PLAAT1: variants seen among roughly 807,000 people sequenced by gnomAD.
PLAAT1 encodes the protein phospholipase A and acyltransferase 1.
A neutral mutation model predicts 16.4 loss-of-function variants in PLAAT1; 13 were observed. The ratio of observed to expected loss-of-function variants is 0.79; its 90% CI spans 0.52 to 1.26. PLAAT1 has a LOEUF of 1.26. Among genes scored for constraint, PLAAT1 ranks in the 50% most tolerant of loss-of-function variants. The probability of loss-of-function intolerance (pLI) is 0.00; values close to 1 mark genes in which losing one functional copy is unlikely to be tolerated. For synonymous variants in PLAAT1, 73 were observed against 78.4 expected (o/e 0.93, Z 0.36); for missense variants, 218 against 207.8 (o/e 1.05, Z -0.30).
intron 1 of PLAAT1, among the ~76,000 whole-genome samples, chr3:193,241,927 T>G (rs149818048): frequency 6.6e-6 from 1 of 152,332 alleles, no homozygotes; most frequent in East Asian, 1.9e-4. Flanking sequence ...GGGCTTGGAT[T>G]CCTCATTCCT....
chr3:193,276,431 G>A (rs1227240732), intron 2 of PLAAT1, among the ~76,000 whole-genome samples: 1 of 152,168 alleles, frequency 6.6e-6, no homozygotes, highest in Non-Finnish European at 1.5e-5. Flanking sequence ...GGGTTGGAAG[G>A]TCACCTGGTC....
chr3:193,264,551 T>TGGAGTG (rs1716709695), intron 3 of PLAAT1, among the ~76,000 whole-genome samples: 2 of 152,102 alleles, frequency 1.3e-5, no homozygotes, highest in South Asian at 4.2e-4. Flanking sequence ...TTGTCCAGGC[T>TGGAGTG]GGAGTGCAGT....
intron 3 of PLAAT1, 75 bp downstream of exon 3, chr3:193,263,310 A>G: frequency 7.2e-7 from 1 of 1,393,234 alleles, no homozygotes; most frequent in Non-Finnish European, 9.8e-7. Flanking sequence ...CCCAGGCCTC[A>G]AACCAAATGA....
upstream of PLAAT1, chr3:193,241,133 C>A (rs1303999362): frequency 3.6e-5 from 32 of 885,628 alleles, no homozygotes; most frequent in Non-Finnish European, 2.4e-5. Context: ...GGCGGGCGGG[C>A]GGGCGGGCGA....
intron 3 of PLAAT1, 44 bp downstream of exon 3, chr3:193,263,279 A>G (rs776957509): frequency 8.2e-5 from 129 of 1,571,364 alleles, no homozygotes; most frequent in Non-Finnish European, 1.1e-4. Flanking sequence ...GAAAAGAATA[A>G]CTATTGGCTA....
chr3:193,267,474 C>T (rs1453877080), intron 3 of PLAAT1, among the ~76,000 whole-genome samples: 1 of 151,944 alleles, frequency 6.6e-6, no homozygotes, highest in East Asian at 1.9e-4. Flanking sequence ...TGGCTTTTTT[C>T]AGATTGGCTT....
downstream of PLAAT1, chr3:193,277,749 T>C (rs1411897034): frequency 2.6e-5 from 4 of 152,340 alleles, no homozygotes; most frequent in East Asian, 7.7e-4. Flanking sequence ...TGGCTCTTTT[T>C]CTCATGGCTG....
chr3:193,270,580 T>C, intron 3 of PLAAT1, 24 bp from the exon 4 acceptor site: 1 of 1,604,516 alleles, frequency 6.2e-7, no homozygotes, highest in Non-Finnish European at 8.5e-7. Flanking sequence ...ATGTGTTTTT[T>C]GTTTACTTCT....
chr3:193,266,502 G>A (rs1280185754), intron 3 of PLAAT1, among the ~76,000 whole-genome samples: 1 of 152,072 alleles, frequency 6.6e-6, no homozygotes, highest in Non-Finnish European at 1.5e-5. Flanking sequence ...TCTCTGGCAG[G>A]TTCTGATGAA....
chr3:193,267,676 T>C (rs1349819306), intron 3 of PLAAT1, among the ~76,000 whole-genome samples: 2 of 152,210 alleles, frequency 1.3e-5, no homozygotes, highest in African/African-American at 2.4e-5. Context: ...TAAACCTCCA[T>C]GTGCAGGTTT....
chr3:193,279,455 C>G (rs767426815), downstream of PLAAT1: 1 of 1,610,484 alleles, frequency 6.2e-7, no homozygotes, highest in Non-Finnish European at 8.5e-7. Context: ...GAAAATATAT[C>G]TGAGGAAATA....
chr3:193,240,654 C>CGTGTGTGGTGTGTGTGTGTGT (rs1553803502), upstream of PLAAT1, among the ~76,000 whole-genome samples: 1 of 88,502 alleles, frequency 1.1e-5, no homozygotes, highest in Admixed American at 1.2e-4. Flanking sequence ...GGCTATCTGG[C>CGTGTGTGGTGTGTGTGTGTGT]GTGTGTGTGT....
At chr3:193,240,692 G>A (rs927361398), upstream of PLAAT1, among the ~76,000 whole-genome samples, 3 of 85,334 alleles carry the variant, frequency 3.5e-5, no homozygotes, top group African/African-American at 1.3e-4. Flanking sequence ...TGTGGTTGGA[G>A]GTCTCTGCTG....
intron 2 of PLAAT1, among the ~76,000 whole-genome samples, chr3:193,256,577 A>G (rs1033731096): frequency 6.6e-6 from 1 of 152,222 alleles, no homozygotes; most frequent in Non-Finnish European, 1.5e-5. Flanking sequence ...TAGGAATTGT[A>G]AAATAAACCA....
chr3:193,273,261 A>G (rs181480878), downstream of PLAAT1, among the ~76,000 whole-genome samples: 18 of 152,350 alleles, frequency 1.2e-4, no homozygotes, highest in Admixed American at 5.2e-4. Flanking sequence ...TACATAGTTT[A>G]TAATCATAAA....
intron 3 of PLAAT1, among the ~76,000 whole-genome samples, chr3:193,264,644 C>G (rs1716715510): frequency 6.6e-6 from 1 of 152,134 alleles, no homozygotes; most frequent in African/African-American, 2.4e-5. Context: ...GCTGGGATTA[C>G]AGGCATCTGC....
At chr3:193,281,335 G>A (rs1388665304), downstream of PLAAT1, 2 of 291,054 alleles carry the variant, frequency 6.9e-6, no homozygotes, top group Non-Finnish European at 1.0e-5. Flanking sequence ...GGTCTCGCCT[G>A]TGCACAAGTG....
intron 2 of PLAAT1, among the ~76,000 whole-genome samples, chr3:193,261,609 T>TA (rs1307580115): frequency 6.6e-6 from 1 of 152,318 alleles, no homozygotes; most frequent in East Asian, 1.9e-4. Context: ...TGGTTAATAC[T>TA]AAGCAACCCT....
At chr3:193,262,728 C>A (rs1716631227) in intron 2 of PLAAT1, among the ~76,000 whole-genome samples, 1 of 152,174 alleles carries the variant, frequency 6.6e-6, no homozygotes, top group Non-Finnish European at 1.5e-5. Flanking sequence ...CCAATTTGTT[C>A]TATGGGAACA....
Sources: allele counts gnomAD v4.1 joint callset (sites outside exome capture counted in the v4.1 genomes callset), GRCh38; gene constraint gnomAD v4.1.1; transcripts MANE v1.5; gene names NCBI Gene and HGNC (gene_info 2026-07-23, HGNC 2026-07-21).